The following PTPRD variants were observed in gnomAD, a reference collection of about 807,000 sequenced individuals.
The protein encoded by PTPRD is receptor-type tyrosine-protein phosphatase delta.
In PTPRD, 34 loss-of-function variants were observed where a neutral mutation model predicts 214.5. The ratio of observed to expected loss-of-function variants is 0.16; its 90% CI spans 0.12 to 0.21. The LOEUF is 0.21. PTPRD is among the 10% of genes least tolerant of loss of function. PTPRD has a pLI of 1.00. For missense variants in PTPRD, 2,545 were observed against 2,398.7 expected, an observed-to-expected ratio of 1.06 and a Z score of -1.27; for synonymous variants, 1,128 against 845.7, an observed-to-expected ratio of 1.33 and a Z score of -5.79.
At chr9:8,709,980 G>A (rs551987858) in intron 12 of PTPRD, among the ~76,000 whole-genome samples, 11 of 152,224 alleles carry the variant, frequency 7.2e-5, no homozygotes, top group South Asian at 4.2e-4. Context: ...AACAAACAGC[G>A]AACAACTACG....
intron 9 of PTPRD, among the ~76,000 whole-genome samples, chr9:9,201,747 ATTAAT>A (rs1481188343): frequency 6.6e-6 from 1 of 152,190 alleles, no homozygotes; most frequent in Non-Finnish European, 1.5e-5. Context: ...AATAATTCTC[ATTAAT>A]TTAAATAAAC....
At chr9:10,017,666 A>G (rs1384034625) in intron 4 of PTPRD, among the ~76,000 whole-genome samples, 1 of 152,136 alleles carries the variant, frequency 6.6e-6, no homozygotes, top group Non-Finnish European at 1.5e-5. Context: ...TACATATATT[A>G]AATAATCCAT....
intron 3 of PTPRD, among the ~76,000 whole-genome samples, chr9:10,069,307 G>T (rs576745491): frequency 6.6e-6 from 1 of 151,946 alleles, no homozygotes; most frequent in African/African-American, 2.4e-5. Context: ...GTGCAAACAA[G>T]AAGTTGTTCC....
intron 2 of PTPRD, among the ~76,000 whole-genome samples, chr9:10,578,622 C>T (rs2070468492): frequency 6.6e-6 from 1 of 152,128 alleles, no homozygotes; most frequent in South Asian, 2.1e-4. Flanking sequence ...AGAAACTCAC[C>T]TCTTCTCATA....
intron 8 of PTPRD, among the ~76,000 whole-genome samples, chr9:9,567,365 CAG>C (rs1226189529): frequency 1.3e-5 from 2 of 151,872 alleles, no homozygotes; most frequent in Non-Finnish European, 2.9e-5. Flanking sequence ...TGGATGGTAA[CAG>C]AGCAGCAAAA....
At chr9:10,154,234 C>CT (rs1366309499) in intron 3 of PTPRD, among the ~76,000 whole-genome samples, 1 of 152,058 alleles carries the variant, frequency 6.6e-6, no homozygotes, top group Non-Finnish European at 1.5e-5. Flanking sequence ...TGATGCTGAG[C>CT]TTTTTTTATA....
At chr9:10,119,433 C>T (rs1353173430) in intron 3 of PTPRD, among the ~76,000 whole-genome samples, 1 of 151,970 alleles carries the variant, frequency 6.6e-6, no homozygotes, top group African/African-American at 2.4e-5. Flanking sequence ...TGTAGTACAT[C>T]TGACTTCTAA....
At chr9:9,352,357 ATATG>A (rs1464442699) in intron 9 of PTPRD, among the ~76,000 whole-genome samples, 10 of 137,592 alleles carry the variant, frequency 7.3e-5, no homozygotes, top group African/African-American at 2.3e-4. Flanking sequence ...GTGTGTGTAT[ATATG>A]TGTGTGTGTG....
At chr9:9,449,098 T>C (rs1588718069) in intron 8 of PTPRD, among the ~76,000 whole-genome samples, 1 of 152,094 alleles carries the variant, frequency 6.6e-6, no homozygotes, top group African/African-American at 2.4e-5. Flanking sequence ...TTTACTTCTA[T>C]ACTGCCGCTG....
intron 26 of PTPRD, among the ~76,000 whole-genome samples, 168 bp downstream of exon 26, chr9:8,497,074 C>T (rs945543917): frequency 1.3e-5 from 2 of 152,082 alleles, no homozygotes; most frequent in African/African-American, 4.8e-5. Flanking sequence ...TTTCACAAAA[C>T]AAAAACCAAA....
intron 14 of PTPRD, among the ~76,000 whole-genome samples, chr9:8,613,085 CTT>C (rs1056126577): frequency 1.9e-4 from 29 of 152,232 alleles, no homozygotes; most frequent in Admixed American, 1.9e-3. Context: ...TAAAAAAAGA[CTT>C]ATATTTTACT....
intron 3 of PTPRD, among the ~76,000 whole-genome samples, chr9:10,078,047 G>A (rs367851492): frequency 2.6e-5 from 4 of 151,926 alleles, no homozygotes; most frequent in South Asian, 4.2e-4. Context: ...ATTATCTACA[G>A]ACAAGTGGCT....
intron 3 of PTPRD, among the ~76,000 whole-genome samples, chr9:10,194,355 G>T (rs1436240562): frequency 0.1 from 871 of 8,332 alleles, 6 homozygotes; most frequent in African/African-American, 0.16. Context: ...TAGAGAGAGA[G>T]AGAGAGAGAG....
chr9:9,890,493 C>T (rs1238858062), intron 5 of PTPRD, among the ~76,000 whole-genome samples: 1 of 152,058 alleles, frequency 6.6e-6, no homozygotes, highest in Non-Finnish European at 1.5e-5. Context: ...GCCACATGAC[C>T]AGCCAGTAAT....
At chr9:8,678,194 A>G (rs746921733) in intron 12 of PTPRD, among the ~76,000 whole-genome samples, 1 of 152,196 alleles carries the variant, frequency 6.6e-6, no homozygotes, top group Non-Finnish European at 1.5e-5. Flanking sequence ...GGAGGAGTGA[A>G]CAAGGTCAAA....
intron 2 of PTPRD, among the ~76,000 whole-genome samples, chr9:10,534,628 G>A (rs113760092): frequency 2.6e-5 from 4 of 151,978 alleles, no homozygotes; most frequent in African/African-American, 9.7e-5. Context: ...CCAAATTTTT[G>A]TTTAATTCGT....
chr9:9,024,596 C>T (rs1470206678), intron 10 of PTPRD, among the ~76,000 whole-genome samples: 1 of 151,530 alleles, frequency 6.6e-6, no homozygotes, highest in Non-Finnish European at 1.5e-5. Flanking sequence ...TAGATATTAT[C>T]ATTTTAAAAT....
At chr9:9,471,331 C>T (rs1589274380) in intron 8 of PTPRD, among the ~76,000 whole-genome samples, 1 of 152,160 alleles carries the variant, frequency 6.6e-6, no homozygotes, top group Non-Finnish European at 1.5e-5. Context: ...ACTTATTATA[C>T]TGTCAACAGT....
intron 10 of PTPRD, among the ~76,000 whole-genome samples, chr9:9,158,039 G>T (rs989109754): frequency 1.4e-4 from 21 of 152,102 alleles, no homozygotes; most frequent in African/African-American, 5.1e-4. Flanking sequence ...CCCTGCAAAG[G>T]ACGTGATCTC....
Sources: allele counts gnomAD v4.1 joint callset (sites outside exome capture counted in the v4.1 genomes callset), GRCh38; gene constraint gnomAD v4.1.1; transcripts MANE v1.5; gene names NCBI Gene and HGNC (gene_info 2026-07-23, HGNC 2026-07-21).